PDZRN4: variants seen among roughly 807,000 people sequenced by gnomAD.
The protein encoded by PDZRN4 is PDZ domain containing ring finger 4.
A neutral mutation model predicts 99.0 loss-of-function variants in PDZRN4; 70 were observed. The observed-to-expected ratio is 0.71, with a 90% confidence interval of 0.58 to 0.86. PDZRN4 has a LOEUF of 0.86. Among genes scored for constraint, PDZRN4 ranks in the 40% least tolerant of loss-of-function variants. The pLI is 0.00. For synonymous variants in PDZRN4, 551 were observed against 501.6 expected (o/e 1.10, Z -1.32); for missense variants, 1,474 against 1,331.2 (o/e 1.11, Z -1.67).
chr12:41,378,273 G>A (rs778754222), intron 3 of PDZRN4, among the ~76,000 whole-genome samples: 5 of 152,200 alleles, frequency 3.3e-5, no homozygotes, highest in Middle Eastern at 3.4e-3. Flanking sequence ...AATACGATGG[G>A]TTGTATTTAT....
chr12:41,496,881 C>T (rs1333520285), intron 3 of PDZRN4, among the ~76,000 whole-genome samples: 3 of 152,098 alleles, frequency 2.0e-5, no homozygotes, highest in Non-Finnish European at 4.4e-5. Flanking sequence ...TCTTATCATT[C>T]AGTGCGTTTT....
chr12:41,283,362 A>G (rs1951401954), intron 3 of PDZRN4, among the ~76,000 whole-genome samples: 1 of 152,200 alleles, frequency 6.6e-6, no homozygotes. Context: ...AAATTGAGGC[A>G]GTAATTAATA....
intron 3 of PDZRN4, among the ~76,000 whole-genome samples, chr12:41,230,396 C>T (rs558267026): frequency 5.7e-4 from 87 of 152,106 alleles, no homozygotes; most frequent in African/African-American, 2.0e-3. Flanking sequence ...ATTCATTACT[C>T]TGAAGAAATA....
intron 3 of PDZRN4, among the ~76,000 whole-genome samples, chr12:41,423,348 A>T (rs937670794): frequency 2.6e-5 from 4 of 151,510 alleles, no homozygotes; most frequent in African/African-American, 9.7e-5. Context: ...CCCTGTGTCC[A>T]TGTATTCTCA....
intron 3 of PDZRN4, among the ~76,000 whole-genome samples, chr12:41,320,800 G>A (rs7299395): frequency 0.085 from 12,959 of 152,100 alleles, 1,027 homozygotes; most frequent in African/African-American, 0.21. Flanking sequence ...ATTCAGCAGA[G>A]TACATGAGTC....
intron 3 of PDZRN4, among the ~76,000 whole-genome samples, chr12:41,194,595 T>C (rs1950759899): frequency 1.3e-5 from 2 of 152,182 alleles, no homozygotes; most frequent in Admixed American, 1.3e-4. Context: ...TGTGGTGAGC[T>C]GTGTGTAGGC....
At chr12:41,260,408 G>A (rs1040656772) in intron 3 of PDZRN4, among the ~76,000 whole-genome samples, 1 of 151,872 alleles carries the variant, frequency 6.6e-6, no homozygotes, top group Non-Finnish European at 1.5e-5. Flanking sequence ...ACAATTGAGT[G>A]GAATTGTGAA....
At chr12:41,413,753 GT>G (rs985740374) in intron 3 of PDZRN4, among the ~76,000 whole-genome samples, 12 of 151,976 alleles carry the variant, frequency 7.9e-5, no homozygotes, top group African/African-American at 2.7e-4. Context: ...GCTATGTCTT[GT>G]TTTTTTAATC....
At chr12:41,313,270 A>G (rs143442880) in intron 3 of PDZRN4, among the ~76,000 whole-genome samples, 74 of 152,280 alleles carry the variant, frequency 4.9e-4, no homozygotes, top group African/African-American at 1.7e-3. Flanking sequence ...CATCTGTTAC[A>G]AAAGATTTAA....
chr12:41,246,315 TG>T (rs1222402137), intron 3 of PDZRN4, among the ~76,000 whole-genome samples: 6 of 152,240 alleles, frequency 3.9e-5, no homozygotes, highest in African/African-American at 1.4e-4. Flanking sequence ...GTATTTCAAC[TG>T]TACAGTTAAT....
intron 3 of PDZRN4, among the ~76,000 whole-genome samples, chr12:41,334,188 T>G (rs1420225252): frequency 6.6e-6 from 1 of 152,116 alleles, no homozygotes. Flanking sequence ...AGGTCTTTGC[T>G]GGCCTCACAC....
At chr12:41,437,955 A>C in intron 3 of PDZRN4, 1 of 1,614,052 alleles carries the variant, frequency 6.2e-7, no homozygotes, top group South Asian at 1.1e-5. Context: ...ATGGGCTGCA[A>C]TTTGTGCACT....
At chr12:41,377,412 G>A (rs1411902680) in intron 3 of PDZRN4, among the ~76,000 whole-genome samples, 3 of 152,100 alleles carry the variant, frequency 2.0e-5, no homozygotes, top group Non-Finnish European at 4.4e-5. Context: ...CTTAAAAATT[G>A]TAGTTTTCTT....
In PDZRN4 at chr12:41,506,711, A is replaced by G. The variant is rs773258638; in HGVS notation, c.1099A>G (p.Ser367Gly). The change falls in exon 4 of 10, where the codon AGC (serine) becomes GGC (glycine). Residue 367 changes from serine (S) to glycine (G), a missense_variant and splice_region_variant. By Grantham distance (56) the Ser-to-Gly change is moderately conservative. Coordinates refer to ENST00000402685, the MANE Select transcript of PDZRN4 (RefSeq NM_001164595.2). ...PDICPFLLSD[S>G]CHSLHPMEHE... The stretch of plus-strand genomic sequence containing the variant: ...CATCTGTCCATTCCTGCTCTCAGAC[A>G]GGTATTTTTCTATCATTTCTTCCAA... The G allele has an allele frequency of 1.9e-6, 3 of 1,601,336 alleles. No individual in the cohort carries two copies. Among genetic ancestry groups the G allele is most frequent in the East Asian group, 2.2e-5 (1 of 44,634 alleles).
At chr12:41,564,278 C>T (rs772011031) in intron 8 of PDZRN4, among the ~76,000 whole-genome samples, 33 of 152,084 alleles carry the variant, frequency 2.2e-4, no homozygotes, top group Admixed American at 6.6e-5. Context: ...ATTGTCCAGC[C>T]AAAAACTGAT....
chr12:41,225,158 T>C (rs1325660118), intron 3 of PDZRN4, among the ~76,000 whole-genome samples: 1 of 152,166 alleles, frequency 6.6e-6, no homozygotes, highest in East Asian at 1.9e-4. Flanking sequence ...AAATAGTACA[T>C]TATGAATTAA....
At chr12:41,373,431 C>A (rs1294496297) in intron 3 of PDZRN4, among the ~76,000 whole-genome samples, 1 of 152,042 alleles carries the variant, frequency 6.6e-6, no homozygotes, top group Non-Finnish European at 1.5e-5. Flanking sequence ...ATTTCAGAGG[C>A]CTACCCTCAG....
chr12:41,326,775 T>C (rs1431896641), intron 3 of PDZRN4, among the ~76,000 whole-genome samples: 4 of 152,054 alleles, frequency 2.6e-5, no homozygotes, highest in Non-Finnish European at 2.9e-5. Context: ...AGTTGGAAAA[T>C]GAGGAAGCAA....
At chr12:41,511,884 T>C (rs192808809) in intron 5 of PDZRN4, among the ~76,000 whole-genome samples, 3 of 152,144 alleles carry the variant, frequency 2.0e-5, no homozygotes, top group African/African-American at 7.2e-5. Context: ...GTGTTGCACT[T>C]TTACTGTTAC....
Sources: gnomAD v4.1 joint callset for allele counts (sites outside exome capture counted in the v4.1 genomes callset) on GRCh38, gnomAD v4.1.1 for gene constraint, MANE v1.5 for transcripts, NCBI Gene and HGNC (gene_info 2026-07-23, HGNC 2026-07-21) for gene names.